Variants in ZNF749 observed in about 807,000 individuals in gnomAD.
ZNF749 encodes zinc finger protein 749.
ZNF749 carries 8 observed loss-of-function variants against 7.3 expected under a neutral mutation model. The ratio of observed to expected loss-of-function variants is 1.10; its 90% CI spans 0.64 to 1.98. The LOEUF (loss-of-function observed/expected upper bound fraction) is 1.98, where lower values mean the gene tolerates loss of function less well. ZNF749 is among the 30% of genes most tolerant of loss of function. ZNF749 has a pLI of 0.00. For missense variants in ZNF749, 898 were observed against 932.4 expected (o/e 0.96, Z 0.48); for synonymous variants, 310 against 322.4 (o/e 0.96, Z 0.41).
At chr19:57,435,298 TA>T (rs1343937379), upstream of ZNF749, 3 of 589,686 alleles carry the variant, frequency 5.1e-6, no homozygotes, top group African/African-American at 5.6e-5. Context: ...GAGAGACGAC[TA>T]ATGAGGTCTC....
At chr19:57,435,297 C>T, upstream of ZNF749, 1 of 589,282 alleles carries the variant, frequency 1.7e-6, no homozygotes, top group Non-Finnish European at 3.0e-6. Context: ...AGAGAGACGA[C>T]TAATGAGGTC....
chr19:57,445,747 G>A lies in ZNF749; in HGVS notation c.*262G>A, dbSNP rs967029240. 1.4e-4 allele frequency among the ~76,000 whole-genome samples: 21 copies of A among 152,110 alleles called. No individual in the cohort carries two copies. The highest frequency in any genetic ancestry group is 1.3e-3 in the Admixed American group (20 of 15,270). Reference sequence around the variant, plus strand: ...AGTTTGAGACCAGCCGGGCCAACATGGTGAAGCCCCATCTCTACTAAAAAT... The same window carrying A: ...AGTTTGAGACCAGCCGGGCCAACATAGTGAAGCCCCATCTCTACTAAAAAT... On this transcript the variant is annotated 3_prime_UTR_variant, in exon 3 of 3. Transcript: ENST00000334181.
chr19:57,430,597 G>T (rs994593170), upstream of ZNF749, among the ~76,000 whole-genome samples: 1 of 152,160 alleles, frequency 6.6e-6, no homozygotes, highest in Non-Finnish European at 1.5e-5. Flanking sequence ...AATTCATCCT[G>T]GGTCCAAGGT....
At chr19:57,433,841 C>T (rs542833401), upstream of ZNF749, among the ~76,000 whole-genome samples, 23 of 152,140 alleles carry the variant, frequency 1.5e-4, no homozygotes, top group Admixed American at 1.2e-3. Flanking sequence ...GATGGCAATA[C>T]TATTGCTACT....
chr19:57,443,346 AAG>A lies in ZNF749; in HGVS notation c.201_202del (p.Arg67SerfsTer23). The A allele has an allele frequency of 6.2e-7, 1 of 1,614,084 alleles. No individual in the cohort carries two copies. The highest frequency in any genetic ancestry group is 2.2e-5 in the East Asian group (1 of 44,890). On this transcript the variant is annotated frameshift_variant, in exon 3 of 3. Transcript: ENST00000334181. LOFTEE classifies it low-confidence loss of function (END_TRUNC). ...TACCTTCCAAGCAGTGTGTTTCTGT[AAG>A]AGTGTTACAGGTCACAATTCCAAAG... ...EVPSKQCVSV[R>X]VLQVTIPKPA...
intron 1 of ZNF749, chr19:57,437,860 A>G (rs1266854315): frequency 5.1e-6 from 2 of 390,436 alleles, no homozygotes; most frequent in East Asian, 7.3e-5. Flanking sequence ...CTTCTTGTCA[A>G]TATGAGCCCT....
At chr19:57,443,015 C>A (rs1343509100) in intron 2 of ZNF749, among the ~76,000 whole-genome samples, 1 of 152,198 alleles carries the variant, frequency 6.6e-6, no homozygotes, top group Non-Finnish European at 1.5e-5. Flanking sequence ...CCGTCATGGC[C>A]TGTTGAAAGC....
chr19:57,445,040 A>G lies in ZNF749; in HGVS notation c.1892A>G (p.Gln631Arg). ...TATCGCTGTACACTGAGTAGACATC[A>G]GAAAGTTCACACTGGAGAAAGACCT... ...FRYRCTLSRH[Q>R]KVHTGERPYE... Residue 631 changes from glutamine (Q) to arginine (R), a missense_variant, in exon 3 of 3, where the codon CAG becomes CGG. Physicochemically the swap from Gln to Arg is conservative, Grantham distance 43. Coordinates refer to ENST00000334181, the MANE Select transcript of ZNF749 (RefSeq NM_001023561.4). 1 of 1,614,184 alleles carries G rather than the reference A, an allele frequency of 6.2e-7. No homozygotes were observed. The highest frequency in any genetic ancestry group is 1.7e-5 in the Admixed American group (1 of 60,030).
Position 57,444,255 on chromosome 19 carries a change from C to G in ZNF749, c.1107C>G (p.Leu369=). Residue 369 remains leucine (L), a synonymous_variant, in exon 3 of 3, where the codon CTC becomes CTG. Coordinates refer to ENST00000334181, the MANE Select transcript of ZNF749 (RefSeq NM_001023561.4). ...AATTGTTTATGGACAGCTTCACACTCGGTAGACATCAGAGAGTTCATACTG... is the reference window on the plus strand; with the variant it reads ...AATTGTTTATGGACAGCTTCACACTGGGTAGACATCAGAGAGTTCATACTG... ...CGKLFMDSFT[L]GRHQRVHTGE... 1 of 1,613,840 alleles carries G rather than the reference C, an allele frequency of 6.2e-7. No individual in the cohort carries two copies. The highest frequency in any genetic ancestry group is 8.5e-7 in the Non-Finnish European group (1 of 1,179,968).
rs1352290787 is a variant in ZNF749 at position 57,444,402 on chromosome 19, C to T, written c.1254C>T (p.Ala418=). 2 of 1,614,042 alleles carry T rather than the reference C, an allele frequency of 1.2e-6. No individual in the cohort carries two copies. Among genetic ancestry groups the T allele is most frequent in the Admixed American group, 3.3e-5 (2 of 60,020 alleles). The part of the protein sequence containing the change: ...RLYKCSECGK[A]FSLKHNVVQH... ...ATAAGTGTAGCGAATGTGGGAAAGC[C>T]TTTAGCCTCAAACATAATGTTGTTC... is the stretch of plus-strand genomic sequence containing the variant. The change falls in exon 3 of 3, where the codon GCC becomes GCT. Residue 418 remains alanine, a synonymous_variant. Transcript: ENST00000334181.
chr19:57,445,896 C>T lies in ZNF749; in HGVS notation c.*411C>T, dbSNP rs2089060140. Among the ~76,000 whole-genome samples the T allele has an allele frequency of 6.6e-6, 1 of 152,276 alleles. No homozygotes were observed. The highest frequency in any genetic ancestry group is 2.4e-5 in the African/African-American group (1 of 41,546). On this transcript the variant is annotated 3_prime_UTR_variant, in exon 3 of 3. Transcript: ENST00000334181. ...AGTGAACTGAGATTGTTCCATTGCA[C>T]TCCAGCCTGGGTGACAGGGCGAGAC...
chr19:57,434,780 G>A (rs182084556), upstream of ZNF749, among the ~76,000 whole-genome samples: 74 of 152,154 alleles, frequency 4.9e-4, no homozygotes, highest in African/African-American at 1.7e-3. Flanking sequence ...ATCCTGTGTG[G>A]GTCTTTTCTT....
Position 57,443,670 on chromosome 19 carries a change from C to G in ZNF749, c.522C>G (p.Asn174Lys), listed in dbSNP as rs200763313. Residue 174 changes from asparagine to lysine, a missense_variant, in exon 3 of 3, where the codon AAC becomes AAG. Coordinates refer to ENST00000334181, the MANE Select transcript of ZNF749 (RefSeq NM_001023561.4). ...ACCTTCTCCAGCAACAGGTCTTAAA[C>G]AGTGGGTGGAAGCTGTACAGGGATA... is the stretch of plus-strand genomic sequence containing the variant. ...SSDLLQQQVL[N>K]SGWKLYRDTQ... is the part of the protein sequence containing the mutation. The G allele has an allele frequency of 1.1e-4, 185 of 1,614,008 alleles. 2 individuals are homozygous for G. In the South Asian group the frequency reaches 1.9e-3, roughly 17 times the overall value.
At chr19:57,429,737 A>G in the ZNF749 span, among the ~76,000 whole-genome samples, 3 of 151,932 alleles carry the variant, frequency 2.0e-5, no homozygotes, top group East Asian at 3.9e-4. The surrounding 1 kb of genome is among the most constrained non-coding windows in gnomAD (Gnocchi z 4.2). Context: ...CCACAGTCCA[A>G]TACCAGGTTC....
At position 57,445,077 on chromosome 19, in the gene ZNF749, T is replaced by C. The variant is rs1039094856; in HGVS notation, c.1929T>C (p.Ser643=). The part of the protein sequence containing the change: ...VHTGERPYEC[S]ECGKFFRDSY... ...CTGGAGAAAGACCTTATGAGTGTAG[T>C]GAATGTGGGAAATTTTTTAGAGATA... Residue 643 remains serine, a synonymous_variant, in exon 3 of 3, where the codon AGT becomes AGC. Coordinates refer to ENST00000334181, the MANE Select transcript of ZNF749 (RefSeq NM_001023561.4). 1.9e-6 allele frequency: 3 copies of C among 1,613,640 alleles called. No homozygotes were observed. The highest frequency in any genetic ancestry group is 3.3e-5 in the Admixed American group (2 of 59,950).
Position 57,445,511 on chromosome 19 carries a change from A to C in ZNF749, c.*26A>C, listed in dbSNP as rs1568548800. On this transcript the variant is annotated 3_prime_UTR_variant, in exon 3 of 3. Transcript: ENST00000334181. Reference sequence around the variant, plus strand: ...TGGAGTGAATGCAGGAAAGTCACCAAAACTGTCACCTCATTCAGCACCAAA... The same window carrying C: ...TGGAGTGAATGCAGGAAAGTCACCACAACTGTCACCTCATTCAGCACCAAA... The C allele has an allele frequency of 6.3e-7, 1 of 1,577,384 alleles. No homozygotes were observed. The highest frequency in any genetic ancestry group is 8.6e-7 in the Non-Finnish European group (1 of 1,162,502).
At chr19:57,429,466 A>G in the ZNF749 span, among the ~76,000 whole-genome samples, 2 of 152,116 alleles carry the variant, frequency 1.3e-5, no homozygotes, top group Non-Finnish European at 2.9e-5. This position sits in a 1 kb window ranked among gnomAD's most constrained non-coding sequence, Gnocchi z 4.2. Context: ...ATTCTATTTT[A>G]AAATTTTTTC....
chr19:57,438,693 C>T (rs760100020), intron 1 of ZNF749, among the ~76,000 whole-genome samples: 5 of 152,142 alleles, frequency 3.3e-5, no homozygotes, highest in South Asian at 2.1e-4. Flanking sequence ...CTTATCTCTC[C>T]GTTATTTTAG....
Position 57,441,974 on chromosome 19 carries a change from T to C in ZNF749, c.105T>C (p.Asn35=), listed in dbSNP as rs767545513. 6.2e-7 allele frequency: 1 copy of C among 1,614,094 alleles called. No individual in the cohort carries two copies. Among genetic ancestry groups the C allele is most frequent in the South Asian group, 1.1e-5 (1 of 91,082 alleles). ...ATGCTCAGAGACACCTGCACAGCAA[T>C]GTGATGTTGGAGAACTTTGCGCTTT... ...LNDAQRHLHS[N]VMLENFALLS... is the part of the protein sequence containing the mutation. The change falls in exon 2 of 3, where the codon AAT becomes AAC. Residue 35 remains asparagine (N), a synonymous_variant. Coordinates refer to ENST00000334181, the MANE Select transcript of ZNF749 (RefSeq NM_001023561.4).
Sources: allele counts gnomAD v4.1 joint callset (sites outside exome capture counted in the v4.1 genomes callset), GRCh38; gene constraint gnomAD v4.1.1; non-coding constraint Gnocchi (gnomAD v3.1); transcripts MANE v1.5; gene names NCBI Gene and HGNC (gene_info 2026-07-23, HGNC 2026-07-21).